Variants in QTMAN observed in about 807,000 individuals in gnomAD.
QTMAN encodes queuosine-tRNA mannosyltransferase, also known as tRNA-queuosine alpha-mannosyltransferase.
At chr2:144,042,814 C>A in the QTMAN span, among the ~76,000 whole-genome samples, 1 of 150,898 alleles carries the variant, frequency 6.6e-6, no homozygotes, top group Non-Finnish European at 1.5e-5. Flanking sequence ...ATGAAGAGTT[C>A]ATTTGTGGTC....
the QTMAN span, among the ~76,000 whole-genome samples, chr2:144,021,860 T>A: frequency 7.2e-5 from 11 of 152,060 alleles, no homozygotes; most frequent in East Asian, 1.5e-3. Flanking sequence ...AAAAATAGGG[T>A]GAGGGAAAAT....
the QTMAN span, among the ~76,000 whole-genome samples, chr2:144,268,066 G>T: frequency 6.6e-6 from 1 of 152,178 alleles, no homozygotes; most frequent in African/African-American, 2.4e-5. Context: ...GGGCCTGATG[G>T]GAGGAGTTTG....
chr2:144,030,111 C>T, the QTMAN span, among the ~76,000 whole-genome samples: 1 of 152,152 alleles, frequency 6.6e-6, no homozygotes, highest in African/African-American at 2.4e-5. Context: ...AGTGTTTGGC[C>T]TTTGCAGTTT....
chr2:144,153,021 G>A, the QTMAN span, among the ~76,000 whole-genome samples: 1 of 152,154 alleles, frequency 6.6e-6, no homozygotes, highest in South Asian at 2.1e-4. Flanking sequence ...AGGGGTGGCA[G>A]AAGAGGCCCA....
At chr2:144,125,974 A>G in the QTMAN span, among the ~76,000 whole-genome samples, 1 of 152,062 alleles carries the variant, frequency 6.6e-6, no homozygotes, top group Non-Finnish European at 1.5e-5. Context: ...TCAATGGGAA[A>G]TGGAGGAATG....
the QTMAN span, among the ~76,000 whole-genome samples, chr2:144,248,142 A>C: frequency 2.6e-4 from 39 of 152,380 alleles, no homozygotes; most frequent in African/African-American, 9.4e-4. Context: ...AAAACACAGA[A>C]ACAATCTAAA....
the QTMAN span, among the ~76,000 whole-genome samples, chr2:144,090,591 A>G: frequency 4.6e-5 from 7 of 152,070 alleles, no homozygotes; most frequent in Non-Finnish European, 8.8e-5. Flanking sequence ...CAGAAACTGA[A>G]AGTATCAAAG....
At chr2:143,942,736 T>G in the QTMAN span, 2 of 167,114 alleles carry the variant, frequency 1.2e-5, no homozygotes, top group Admixed American at 1.3e-4. Context: ...AGCATGAGGG[T>G]TGAGGTGAAG....
chr2:144,276,812 T>C, the QTMAN span, among the ~76,000 whole-genome samples: 5,778 of 152,272 alleles, frequency 0.038, 380 homozygotes, highest in African/African-American at 0.13. Context: ...ACCATGCCTG[T>C]AACAGTGTAC....
the QTMAN span, among the ~76,000 whole-genome samples, chr2:144,323,202 A>G: frequency 1.3e-5 from 2 of 152,200 alleles, no homozygotes; most frequent in Non-Finnish European, 2.9e-5. Flanking sequence ...AGCAACTCAA[A>G]AAGAAAAATC....
At chr2:144,300,223 C>T in the QTMAN span, among the ~76,000 whole-genome samples, 2 of 152,200 alleles carry the variant, frequency 1.3e-5, no homozygotes, top group Non-Finnish European at 2.9e-5. Context: ...CCTAATGCCA[C>T]TGACCTATAC....
the QTMAN span, among the ~76,000 whole-genome samples, chr2:144,029,978 C>A: frequency 2.0e-5 from 3 of 152,074 alleles, no homozygotes; most frequent in Non-Finnish European, 4.4e-5. Context: ...ATAGATTTCA[C>A]CTAATTTCTA....
the QTMAN span, chr2:144,011,540 A>G: frequency 1.2e-6 from 1 of 801,986 alleles, no homozygotes; most frequent in Admixed American, 6.2e-5. Flanking sequence ...TTGCTTAATA[A>G]TAGTCACCAC....
chr2:144,118,142 T>A, the QTMAN span, among the ~76,000 whole-genome samples: 1 of 151,950 alleles, frequency 6.6e-6, no homozygotes, highest in Non-Finnish European at 1.5e-5. Context: ...CACCGTGCAG[T>A]ACACTAACAT....
the QTMAN span, among the ~76,000 whole-genome samples, chr2:144,065,779 T>G: frequency 5.3e-5 from 8 of 150,626 alleles, no homozygotes; most frequent in African/African-American, 2.4e-5. Flanking sequence ...TTTTTTTTTT[T>G]GCAAGACTTC....
chr2:144,123,272 T>C, the QTMAN span, among the ~76,000 whole-genome samples: 20 of 152,144 alleles, frequency 1.3e-4, no homozygotes, highest in Admixed American at 1.3e-3. Flanking sequence ...AATATTACTT[T>C]TTCTGTCATA....
the QTMAN span, among the ~76,000 whole-genome samples, chr2:144,244,405 T>G: frequency 6.6e-6 from 1 of 152,166 alleles, no homozygotes; most frequent in African/African-American, 2.4e-5. Context: ...CTGTAACAAC[T>G]TGCTAAAGCC....
chr2:144,283,172 A>G, the QTMAN span, among the ~76,000 whole-genome samples: 2 of 152,284 alleles, frequency 1.3e-5, no homozygotes, highest in South Asian at 4.2e-4. Context: ...TCCAATTTGT[A>G]GCTAAGTTGG....
chr2:144,101,426 T>G, the QTMAN span, among the ~76,000 whole-genome samples: 1 of 151,912 alleles, frequency 6.6e-6, no homozygotes, highest in East Asian at 1.9e-4. Flanking sequence ...TACTTTACTG[T>G]GAAATGTATC....
Sources: gnomAD v4.1 joint callset for allele counts (sites outside exome capture counted in the v4.1 genomes callset) on GRCh38, gnomAD v4.1.1 for gene constraint, MANE v1.5 for transcripts, NCBI Gene and HGNC (gene_info 2026-07-23, HGNC 2026-07-21) for gene names.